LANCL3: variants seen among roughly 807,000 people sequenced by gnomAD.
The protein encoded by LANCL3 is lanC-like protein 3.
LANCL3 carries 19 observed loss-of-function variants against 26.5 expected under a neutral mutation model. That is an observed-to-expected ratio of 0.72 (90% CI 0.50 to 1.05). The LOEUF is 1.05. Among genes scored for constraint, LANCL3 ranks in the 50% least tolerant of loss-of-function variants. The probability of loss-of-function intolerance (pLI) is 0.00; values close to 1 mark genes in which losing one functional copy is unlikely to be tolerated. For missense variants in LANCL3, 318 were observed against 362.7 expected, an observed-to-expected ratio of 0.88 and a Z score of 1.00; for synonymous variants, 160 against 166.6, an observed-to-expected ratio of 0.96 and a Z score of 0.30.
At chrX:37,675,544 T>A in intron 4 of LANCL3, 110 bp from the exon 5 acceptor site, 1 of 391,000 alleles carries the variant, frequency 2.6e-6, no homozygotes, top group Non-Finnish European at 4.3e-6. Flanking sequence ...AATTATATAA[T>A]TCTGGAAAGA....
chrX:37,591,923 A>C (rs1223436861), intron 1 of LANCL3, among the ~76,000 whole-genome samples: 2 of 110,692 alleles, frequency 1.8e-5, no homozygotes, highest in Admixed American at 1.9e-4. Flanking sequence ...GGAAACCTGC[A>C]GTTCCTCCAC....
intron 1 of LANCL3, among the ~76,000 whole-genome samples, chrX:37,621,840 C>G (rs1925168854): frequency 2.7e-5 from 3 of 111,474 alleles, no homozygotes; most frequent in Admixed American, 1.9e-4. Context: ...AGCCCCCTTC[C>G]CCTTGGCTGG....
At chrX:37,607,392 A>G (rs781909051) in intron 1 of LANCL3, among the ~76,000 whole-genome samples, 7 of 112,267 alleles carry the variant, frequency 6.2e-5, no homozygotes, top group African/African-American at 1.9e-4. Context: ...TGGAAAGTCT[A>G]TCTGTGTCAT....
intron 1 of LANCL3, among the ~76,000 whole-genome samples, chrX:37,583,097 T>C (rs1923950521): frequency 2.7e-5 from 3 of 112,085 alleles, no homozygotes; most frequent in Admixed American, 9.4e-5. Context: ...TTCTTGTTTT[T>C]GTCAGGTTTG....
chrX:37,651,628 T>C (rs782728221), intron 1 of LANCL3, among the ~76,000 whole-genome samples: 1 of 110,785 alleles, frequency 9.0e-6, no homozygotes, highest in East Asian at 2.8e-4. Context: ...ATACTTTAAG[T>C]TCTAGGGTAC....
At chrX:37,595,384 T>C (rs1682756208) in intron 1 of LANCL3, among the ~76,000 whole-genome samples, 1 of 112,567 alleles carries the variant, frequency 8.9e-6, no homozygotes, top group Non-Finnish European at 1.9e-5. Flanking sequence ...TACATGCTCC[T>C]GCTTAAATGT....
intron 1 of LANCL3, among the ~76,000 whole-genome samples, chrX:37,605,788 T>C: frequency 1.8e-5 from 2 of 111,894 alleles, no homozygotes; most frequent in Non-Finnish European, 3.8e-5. Flanking sequence ...ACCCTCTTAT[T>C]TAATACAACA....
chrX:37,615,126 C>T (rs1206733546), intron 1 of LANCL3, among the ~76,000 whole-genome samples: 4 of 111,984 alleles, frequency 3.6e-5, no homozygotes, highest in African/African-American at 1.3e-4. Context: ...AGCTAGGATT[C>T]ACGCAGTTTG....
chrX:37,655,631 T>G, intron 1 of LANCL3, 57 bp from the exon 2 acceptor site: 1 of 1,052,176 alleles, frequency 9.5e-7, no homozygotes, highest in Non-Finnish European at 1.3e-6. Flanking sequence ...GAAAATTCAG[T>G]GTCTAAGGAA....
chrX:37,598,771 TCA>T (rs1465424209), intron 1 of LANCL3, among the ~76,000 whole-genome samples: 3 of 112,177 alleles, frequency 2.7e-5, no homozygotes, highest in African/African-American at 9.7e-5. Flanking sequence ...CCGTGATTTT[TCA>T]CAAAGTACCT....
At chrX:37,590,803 A>C (rs1412002869) in intron 1 of LANCL3, among the ~76,000 whole-genome samples, 1 of 111,404 alleles carries the variant, frequency 9.0e-6, no homozygotes, top group Non-Finnish European at 1.9e-5. Flanking sequence ...ATGCATTAGA[A>C]TCCCTTGAGG....
intron 1 of LANCL3, among the ~76,000 whole-genome samples, chrX:37,577,210 T>TCCC (rs1249637905): frequency 8.9e-6 from 1 of 112,723 alleles, no homozygotes; most frequent in Non-Finnish European, 1.9e-5. Context: ...CAAGGACTCC[T>TCCC]TGTCAGTCTG....
chrX:37,649,694 T>C (rs1442494791), intron 1 of LANCL3, among the ~76,000 whole-genome samples: 5 of 111,621 alleles, frequency 4.5e-5, no homozygotes, highest in Non-Finnish European at 9.4e-5. Flanking sequence ...TGCTGGTCCA[T>C]GGACCACACT....
chrX:37,623,225 G>A (rs1925216987), intron 1 of LANCL3, among the ~76,000 whole-genome samples: 1 of 111,609 alleles, frequency 9.0e-6, no homozygotes, highest in African/African-American at 3.3e-5. Flanking sequence ...AAGAGAACTG[G>A]CCACTTTGAA....
intron 1 of LANCL3, among the ~76,000 whole-genome samples, chrX:37,585,838 TATG>T (rs1469673619): frequency 1.8e-5 from 2 of 111,925 alleles, no homozygotes; most frequent in Non-Finnish European, 3.8e-5. Context: ...ATCCTGTCAT[TATG>T]ATGTTAGCTG....
At chrX:37,668,274 T>TA in intron 4 of LANCL3, 1 of 164,511 alleles carries the variant, frequency 6.1e-6, no homozygotes, top group Non-Finnish European at 1.2e-5. Context: ...TATATATATA[T>TA]ATCCTAGTTA....
intron 1 of LANCL3, among the ~76,000 whole-genome samples, chrX:37,582,221 T>G (rs1232163963): frequency 8.9e-5 from 10 of 112,191 alleles, no homozygotes; most frequent in Non-Finnish European, 1.5e-4. Context: ...TTTGCTATTG[T>G]GAATAGTGCG....
intron 1 of LANCL3, among the ~76,000 whole-genome samples, chrX:37,612,297 A>G (rs976964785): frequency 2.7e-5 from 3 of 111,685 alleles, no homozygotes; most frequent in African/African-American, 9.8e-5. Flanking sequence ...ATCATAATCT[A>G]TGAGAATGGA....
intron 1 of LANCL3, among the ~76,000 whole-genome samples, chrX:37,618,473 A>G (rs1462759982): frequency 8.9e-6 from 1 of 112,053 alleles, no homozygotes; most frequent in Non-Finnish European, 1.9e-5. Context: ...TGGTTTAAAC[A>G]TCAGAAATGT....
Sources: gnomAD v4.1 joint callset for allele counts (sites outside exome capture counted in the v4.1 genomes callset) on GRCh38, gnomAD v4.1.1 for gene constraint, MANE v1.5 for transcripts, NCBI Gene and HGNC (gene_info 2026-07-23, HGNC 2026-07-21) for gene names.